The following VPS54 variants were observed in gnomAD, a reference collection of about 807,000 sequenced individuals.
VPS54 encodes the protein vacuolar protein sorting-associated protein 54.
In VPS54, 45 loss-of-function variants were observed where a neutral mutation model predicts 121.5. That is an observed-to-expected ratio of 0.37 (90% CI 0.29 to 0.47). The LOEUF is 0.47. Ranked by LOEUF, VPS54 falls within the 20% of genes least tolerant of loss-of-function variation. VPS54 has a pLI of 0.99. For synonymous variants in VPS54, 371 were observed against 385.8 expected, an observed-to-expected ratio of 0.96 and a Z score of 0.45; for missense variants, 1,090 against 1,131.4, an observed-to-expected ratio of 0.96 and a Z score of 0.52.
intron 9 of VPS54, among the ~76,000 whole-genome samples, chr2:63,946,978 A>G (rs948924747): frequency 6.6e-6 from 1 of 152,172 alleles, no homozygotes; most frequent in Non-Finnish European, 1.5e-5. Context: ...TCACAGTGCT[A>G]TTTATTGTAT....
intron 1 of VPS54, among the ~76,000 whole-genome samples, chr2:63,993,855 G>C (rs541157241): frequency 6.6e-6 from 1 of 152,264 alleles, no homozygotes; most frequent in South Asian, 2.1e-4. Context: ...GGTTATGTAG[G>C]TCCTACAAAC....
intron 3 of VPS54, among the ~76,000 whole-genome samples, chr2:63,976,154 C>A (rs1279142020): frequency 6.6e-6 from 1 of 151,976 alleles, no homozygotes; most frequent in Non-Finnish European, 1.5e-5. Flanking sequence ...CCAGCCTGGA[C>A]AACATGGCAA....
intron 5 of VPS54, among the ~76,000 whole-genome samples, chr2:63,967,496 T>C (rs1356831075): frequency 6.6e-6 from 1 of 151,838 alleles, no homozygotes; most frequent in Non-Finnish European, 1.5e-5. Flanking sequence ...GGCGGATCAC[T>C]TGAAGTCAGA....
At chr2:63,974,674 C>T (rs1180048022) in intron 3 of VPS54, among the ~76,000 whole-genome samples, 2 of 152,078 alleles carry the variant, frequency 1.3e-5, no homozygotes, top group Non-Finnish European at 2.9e-5. Flanking sequence ...TACATAAAGC[C>T]TTCATTTTCT....
intron 21 of VPS54, among the ~76,000 whole-genome samples, chr2:63,899,061 T>C (rs866974929): frequency 6.6e-6 from 1 of 152,320 alleles, no homozygotes; most frequent in African/African-American, 2.4e-5. Flanking sequence ...GAGTTAATTA[T>C]ATGTGTTAAT....
At chr2:64,003,770 T>C (rs1194526736) in intron 1 of VPS54, among the ~76,000 whole-genome samples, 1 of 152,210 alleles carries the variant, frequency 6.6e-6, no homozygotes, top group Non-Finnish European at 1.5e-5. Context: ...TTCTTTCTTA[T>C]AGCTCAAAAT....
chr2:63,943,473 A>G (rs1674830882), intron 10 of VPS54, among the ~76,000 whole-genome samples: 2 of 152,132 alleles, frequency 1.3e-5, no homozygotes, highest in African/African-American at 4.8e-5. Context: ...ACCACTAACA[A>G]TTCTCTGATT....
In VPS54 at chr2:63,927,445, A is replaced by G. The variant is rs116983275; in HGVS notation, c.1740-6110T>C. Among the ~76,000 whole-genome samples the G allele has an allele frequency of 4.0e-4, 61 of 152,322 alleles. No homozygotes were observed. In the East Asian group the frequency reaches 0.012, roughly 29 times the overall value. On this transcript the variant is annotated intron_variant, in intron 12 of 22. Coordinates refer to ENST00000272322, the MANE Select transcript of VPS54 (RefSeq NM_016516.3). ...TGTGACTGTTGGAAGGAAAATTAAC[A>G]AACAAAGGAATAGCATCAACATCAA...
At chr2:63,949,306 T>A in intron 7 of VPS54, 143 bp from the exon 8 acceptor site, 1 of 775,026 alleles carries the variant, frequency 1.3e-6, no homozygotes, top group Non-Finnish European at 2.0e-6. Context: ...TGAAGTCCTT[T>A]AACTTACCAA....
intron 12 of VPS54, among the ~76,000 whole-genome samples, chr2:63,922,532 A>G (rs779635807): frequency 3.3e-5 from 5 of 152,230 alleles, no homozygotes; most frequent in Non-Finnish European, 7.3e-5. Context: ...TCGCAGAAAC[A>G]TTATCTCGTT....
intron 20 of VPS54, among the ~76,000 whole-genome samples, chr2:63,905,526 G>A (rs1056280081): frequency 2.7e-5 from 4 of 150,932 alleles, no homozygotes; most frequent in African/African-American, 9.8e-5. Flanking sequence ...TTTTTTTAAT[G>A]AACTTATTAA....
intron 6 of VPS54, among the ~76,000 whole-genome samples, chr2:63,964,651 T>C (rs56057530): frequency 0.016 from 2,432 of 152,312 alleles, 37 homozygotes; most frequent in Non-Finnish European, 0.024. Flanking sequence ...AAAAAGCTCA[T>C]TTTCGTTTTC....
chr2:63,978,899 C>T (rs140601026), intron 3 of VPS54, among the ~76,000 whole-genome samples: 1,920 of 152,252 alleles, frequency 0.013, 18 homozygotes, highest in Non-Finnish European at 0.015. Flanking sequence ...GGATTACAAG[C>T]GTGAGCCACC....
At chr2:63,903,764 T>C (rs550384435) in intron 20 of VPS54, among the ~76,000 whole-genome samples, 4 of 152,098 alleles carry the variant, frequency 2.6e-5, no homozygotes, top group Non-Finnish European at 4.4e-5. Context: ...AACAGAAATA[T>C]AGCTAGTACA....
intron 15 of VPS54, among the ~76,000 whole-genome samples, chr2:63,919,076 G>C (rs1673516095): frequency 6.6e-6 from 1 of 151,906 alleles, no homozygotes; most frequent in Admixed American, 6.6e-5. Context: ...TTCTCTATTA[G>C]AAATACTCAA....
chr2:63,917,985 C>T (rs1335289547), intron 15 of VPS54, among the ~76,000 whole-genome samples: 1 of 151,908 alleles, frequency 6.6e-6, no homozygotes, highest in African/African-American at 2.4e-5. Flanking sequence ...TAAGTAAACA[C>T]TCAATTAATA....
intron 3 of VPS54, 26 bp from the exon 4 acceptor site, chr2:63,972,270 C>A: frequency 6.6e-7 from 1 of 1,516,058 alleles, no homozygotes; most frequent in Non-Finnish European, 9.1e-7. Context: ...ATAACATCAT[C>A]AATGTATGTG....
intron 16 of VPS54, 111 bp from the exon 17 acceptor site, chr2:63,914,398 A>G: frequency 1.4e-6 from 1 of 718,986 alleles, no homozygotes; most frequent in Non-Finnish European, 2.4e-6. Context: ...TGAGAATATA[A>G]TGACCTTGGT....
chr2:64,007,986 A>G (rs1366252335), intron 1 of VPS54, among the ~76,000 whole-genome samples: 2 of 152,068 alleles, frequency 1.3e-5, no homozygotes, highest in Non-Finnish European at 2.9e-5. Flanking sequence ...AAAGGCAACA[A>G]TATCAACATC....
Sources: gnomAD v4.1 joint callset for allele counts (sites outside exome capture counted in the v4.1 genomes callset) on GRCh38, gnomAD v4.1.1 for gene constraint, MANE v1.5 for transcripts, NCBI Gene and HGNC (gene_info 2026-07-23, HGNC 2026-07-21) for gene names.